The following AP5Z1 variants were observed in gnomAD, a reference collection of about 807,000 sequenced individuals.
The protein encoded by AP5Z1 is adaptor related protein complex 5 subunit zeta 1, also known as AP-5 complex subunit zeta-1.
AP5Z1 carries 106 observed loss-of-function variants against 83.0 expected under a neutral mutation model. The observed-to-expected ratio is 1.28, with a 90% CI of 1.09 to 1.50. The LOEUF (loss-of-function observed/expected upper bound fraction) is 1.50, where lower values mean the gene tolerates loss of function less well. Among genes scored for constraint, AP5Z1 ranks in the 40% most tolerant of loss-of-function variants. The pLI is 0.00. For synonymous variants in AP5Z1, 751 were observed against 514.1 expected, an observed-to-expected ratio of 1.46 and a Z score of -6.23; for missense variants, 1,565 against 1,094.2, an observed-to-expected ratio of 1.43 and a Z score of -6.07.
chr7:4,777,569 A>G (rs896705628), intron 1 of AP5Z1, among the ~76,000 whole-genome samples: 3 of 151,994 alleles, frequency 2.0e-5, no homozygotes, highest in African/African-American at 4.8e-5. Context: ...TTGTATCTTT[A>G]GTAGAGATGG....
intron 12 of AP5Z1, chr7:4,788,541 G>A (rs1781634024): frequency 1.9e-6 from 1 of 539,752 alleles, no homozygotes; most frequent in East Asian, 3.2e-5. Context: ...TTGGCCCTGT[G>A]GGTGCTCCAT....
intron 14 of AP5Z1, chr7:4,790,257 G>C: frequency 9.7e-6 from 15 of 1,545,216 alleles, no homozygotes; most frequent in Non-Finnish European, 1.2e-5. Context: ...CTGAGCCTGG[G>C]CCTGAGGCCA....
At chr7:4,786,449 G>C in intron 10 of AP5Z1, 21 bp downstream of exon 10, 2 of 1,611,624 alleles carry the variant, frequency 1.2e-6, no homozygotes, top group South Asian at 1.1e-5. Context: ...GCATCCCTGG[G>C]TGCCAGGGCA....
chr7:4,788,272 A>G lies in AP5Z1; in HGVS notation c.1573A>G (p.Lys525Glu), dbSNP rs186003800. ...TCTTTTCCAATACCTGCTGCGCCCC[A>G]AGGCCAGTGGCGCCACTGAGAGGTA... Reference protein sequence around the residue: ...QGLFQYLLRPKASGATERLAP... With the variant: ...QGLFQYLLRPEASGATERLAP... Residue 525 changes from lysine to glutamate, a missense_variant, in exon 12 of 17, where the codon AAG (lysine) becomes GAG (glutamate). Lys to Glu is a moderately conservative substitution (Grantham distance 56). Transcript: ENST00000649063. 21 of 1,592,004 alleles carry G rather than the reference A, an allele frequency of 1.3e-5. No homozygotes were observed. The African/African-American group carries it at 2.7e-4, about 20-fold the overall frequency.
At chr7:4,781,876 T>A in intron 3 of AP5Z1, 122 bp downstream of exon 3, 1 of 1,194,254 alleles carries the variant, frequency 8.4e-7, no homozygotes, top group South Asian at 1.9e-5. Context: ...ATCTCGGTGC[T>A]GAGTGCCTGG....
rs777788359 is a variant in AP5Z1, at chr7:4,793,178, C to T, written c.*1793C>T. Reference sequence around the variant, plus strand: ...GGCCACAGGGCCTCGGAGGGCATGACCCCAGCCCAGGGAGGAGCAACCTTC... The same window carrying T: ...GGCCACAGGGCCTCGGAGGGCATGATCCCAGCCCAGGGAGGAGCAACCTTC... On this transcript the variant is annotated 3_prime_UTR_variant, in exon 17 of 17. Coordinates refer to ENST00000649063, the MANE Select transcript of AP5Z1 (RefSeq NM_014855.3). The T allele has an allele frequency of 6.6e-6, 1 of 152,272 alleles. No homozygotes were observed. Among genetic ancestry groups the T allele is most frequent in the Non-Finnish European group, 1.5e-5 (1 of 68,074 alleles). 9.4% of individuals were successfully genotyped at this position (152,272 alleles called of 1,614,324 possible).
intron 3 of AP5Z1, 35 bp from the exon 4 acceptor site, chr7:4,783,281 C>G (rs1297387400): frequency 3.2e-6 from 5 of 1,561,318 alleles, no homozygotes; most frequent in Non-Finnish European, 3.5e-6. Context: ...CTGGCACAGG[C>G]CAGTACCCCA....
chr7:4,788,986 G>A (rs763848280), intron 13 of AP5Z1, 35 bp downstream of exon 13: 7 of 1,582,790 alleles, frequency 4.4e-6, no homozygotes, highest in Middle Eastern at 1.7e-4. Context: ...CATTCCCACA[G>A]GCCTCACAAC....
In AP5Z1 at chr7:4,775,715, G is replaced by C. The variant is rs146143723; in HGVS notation, c.-1G>C. 1,902 of 1,606,994 alleles carry C rather than the reference G, an allele frequency of 1.2e-3. 26 individuals are homozygous for C. In the African/African-American group the frequency reaches 0.019, roughly 16 times the overall value. On this transcript the variant is annotated 5_prime_UTR_variant, in exon 1 of 17. Transcript: ENST00000649063. The stretch of plus-strand genomic sequence containing the variant: ...CGTGCGCGTCTGGTGGCGGCGGCGT[G>C]ATGTTCTCGGCAGGAGCGGAGAGTT...
chr7:4,787,891 C>T, intron 11 of AP5Z1, 115 bp downstream of exon 11: 1 of 1,314,064 alleles, frequency 7.6e-7, no homozygotes, highest in Non-Finnish European at 1.0e-6. Flanking sequence ...CTTCCCCCCC[C>T]AACACCTGAC....
At chr7:4,781,835 G>C in intron 3 of AP5Z1, 81 bp downstream of exon 3, 4 of 1,418,986 alleles carry the variant, frequency 2.8e-6, no homozygotes, top group Non-Finnish European at 3.7e-6. Context: ...AGGGGCGCCA[G>C]AGCCGGCAGG....
rs1304254618 is a variant in AP5Z1 at position 4,792,105 on chromosome 7, A to T, written c.*720A>T. On this transcript the variant is annotated 3_prime_UTR_variant, in exon 17 of 17. Transcript: ENST00000649063. Reference sequence around the variant, plus strand: ...CCAGGGAGCCACCTGAGTGGAGCTCAGAACACTGGATTCGCGCGAAGGGGA... The same window carrying T: ...CCAGGGAGCCACCTGAGTGGAGCTCTGAACACTGGATTCGCGCGAAGGGGA... 1 of 152,294 alleles carries T rather than the reference A, an allele frequency of 6.6e-6. No individual in the cohort carries two copies. Among genetic ancestry groups the T allele is most frequent in the African/African-American group, 2.4e-5 (1 of 41,454 alleles). The allele number at this position is 152,294 out of a possible 1,614,324, so 9.4% of individuals were successfully genotyped here. A position where few individuals can be genotyped will look rare whatever the true frequency, so the allele number is the denominator to read the frequency against.
Position 4,792,421 on chromosome 7 carries a change from A to G in AP5Z1, c.*1036A>G. The stretch of plus-strand genomic sequence containing the variant: ...CCCATAGCTCTGCGACTAAGAAACC[A>G]CAGGCTGAAGGCGACTGCAGGGTCC... On this transcript the variant is annotated 3_prime_UTR_variant, in exon 17 of 17. Transcript: ENST00000649063. 1 of 139,110 alleles carries G rather than the reference A, an allele frequency of 7.2e-6. No homozygotes were observed. 8.6% of individuals were successfully genotyped at this position (139,110 alleles called of 1,614,324 possible).
At position 4,789,105 on chromosome 7, in the gene AP5Z1, C is replaced by A. The variant is rs1583239050; in HGVS notation, c.1707+154C>A. On this transcript the variant is annotated intron_variant, in intron 13 of 16. Transcript: ENST00000649063. ...CCTGTGAGGGTCAGGGAGGCACATG[C>A]CACAGCCCCGGCAGGCCCCGTCCCT... 1.4e-5 allele frequency: 9 copies of A among 654,542 alleles called. No homozygotes were observed. The East Asian group carries it at 2.6e-4, about 19-fold the overall frequency. 40.5% of individuals were successfully genotyped at this position (654,542 alleles called of 1,614,324 possible).
At chr7:4,788,406 C>G in intron 12 of AP5Z1, 112 bp downstream of exon 12, 1 of 1,299,160 alleles carries the variant, frequency 7.7e-7, no homozygotes. Flanking sequence ...CTTTGTGTCC[C>G]ACACAAGGCT....
chr7:4,790,655 C>CTCTG lies in AP5Z1; in HGVS notation c.1939-15_1939-12dup. ...CAGGAGGCCTGGGTGGGGGCTGAAT[C>CTCTG]TCTGTCCCCGGGCCTAGGTGTGGGC... On this transcript the variant is annotated splice_polypyrimidine_tract_variant and intron_variant, in intron 15 of 16. Coordinates refer to ENST00000649063, the MANE Select transcript of AP5Z1 (RefSeq NM_014855.3). 1.2e-6 allele frequency: 2 copies of CTCTG among 1,612,156 alleles called. No homozygotes were observed. Among genetic ancestry groups the CTCTG allele is most frequent in the Non-Finnish European group, 1.7e-6 (2 of 1,179,522 alleles).
intron 9 of AP5Z1, 80 bp from the exon 10 acceptor site, chr7:4,786,170 A>T: frequency 7.1e-7 from 1 of 1,409,140 alleles, no homozygotes. Flanking sequence ...CAGGCCTGAG[A>T]CTCAGGGCCC....
rs777093701 is a variant in AP5Z1, at chr7:4,785,684, G to C, written c.1132G>C (p.Gly378Arg). The change falls in exon 9 of 17, where the codon GGG becomes CGG. Residue 378 changes from glycine to arginine, a missense_variant and splice_region_variant. By Grantham distance (125) the Gly-to-Arg change is moderately radical. Coordinates refer to ENST00000649063, the MANE Select transcript of AP5Z1 (RefSeq NM_014855.3). ...LPLAHFFLSH[G>R]EAAAVDSEAV... Reference sequence around the variant, plus strand: ...CCTCGCCCACTTCTTCCTGAGCCACGGTGAGCCCAGGGTGGGGTGGCGCTG... The same window carrying C: ...CCTCGCCCACTTCTTCCTGAGCCACCGTGAGCCCAGGGTGGGGTGGCGCTG... 1.8e-5 allele frequency: 27 copies of C among 1,526,966 alleles called. No homozygotes were observed. In the South Asian group the frequency reaches 3.1e-4, roughly 18 times the overall value. The allele number at this position is 1,526,966 out of a possible 1,614,324, so 94.6% of individuals were successfully genotyped here. A position where few individuals can be genotyped will look rare whatever the true frequency, so the allele number is the denominator to read the frequency against.
chr7:4,779,358 T>C (rs1412092363), intron 1 of AP5Z1, among the ~76,000 whole-genome samples: 3 of 145,340 alleles, frequency 2.1e-5, no homozygotes, highest in Non-Finnish European at 4.5e-5. Flanking sequence ...ACATGTTATA[T>C]ATCATAACGT....
Sources: allele counts gnomAD v4.1 joint callset (sites outside exome capture counted in the v4.1 genomes callset), GRCh38; gene constraint gnomAD v4.1.1; transcripts MANE v1.5; gene names NCBI Gene and HGNC (gene_info 2026-07-23, HGNC 2026-07-21).